GRHL2: variants seen among roughly 807,000 people sequenced by gnomAD.
The protein encoded by GRHL2 is grainyhead-like protein 2 homolog.
Under a neutral mutation model 83.8 loss-of-function variants are expected in GRHL2, and 21 were observed. That is an observed-to-expected ratio of 0.25 (90% CI 0.18 to 0.36). The LOEUF is 0.36. Among genes scored for constraint, GRHL2 ranks in the 10% least tolerant of loss-of-function variants. The pLI is 1.00. For synonymous variants in GRHL2, 280 were observed against 278.9 expected, an observed-to-expected ratio of 1.00 and a Z score of -0.04; for missense variants, 623 against 781.8, an observed-to-expected ratio of 0.80 and a Z score of 2.42.
chr8:101,492,594 C>CGCGAGCGG lies in GRHL2; in HGVS notation c.-168_-161dup, dbSNP rs1809985734. 4.2e-6 allele frequency: 3 copies of CGCGAGCGG among 710,154 alleles called. No individual in the cohort carries two copies. The highest frequency in any genetic ancestry group is 3.1e-4 in the Middle Eastern group (1 of 3,270). 44.0% of individuals were successfully genotyped at this position (710,154 alleles called of 1,614,324 possible). A position where few individuals can be genotyped will look rare whatever the true frequency, so the allele number is the denominator to read the frequency against. On this transcript the variant is annotated 5_prime_UTR_variant, in exon 1 of 16. Transcript: ENST00000646743. The stretch of plus-strand genomic sequence containing the variant: ...TCCCACCTTTCCGGCTAGGTGAGGG[C>CGCGAGCGG]GCGAGCGGGCGAGCGAGCGAGAGTG...
chr8:101,679,882 T>A, the GRHL2 span, among the ~76,000 whole-genome samples: 1 of 126,228 alleles, frequency 7.9e-6, no homozygotes, highest in Admixed American at 8.2e-5. Context: ...TGCTGAGAGA[T>A]TTTGTCACCA....
intron 13 of GRHL2, among the ~76,000 whole-genome samples, chr8:101,644,633 C>T (rs1005860254): frequency 1.3e-5 from 2 of 152,214 alleles, no homozygotes; most frequent in Non-Finnish European, 2.9e-5. Flanking sequence ...TCACCACTTA[C>T]TCATTTTCTC....
intron 4 of GRHL2, among the ~76,000 whole-genome samples, chr8:101,568,804 C>T (rs1380368172): frequency 1.3e-5 from 2 of 152,014 alleles, no homozygotes; most frequent in East Asian, 1.9e-4. Context: ...ATTTATTCAG[C>T]CAACAATTAT....
At chr8:101,578,183 A>G (rs1442410406) in intron 7 of GRHL2, among the ~76,000 whole-genome samples, 1 of 152,202 alleles carries the variant, frequency 6.6e-6, no homozygotes, top group Non-Finnish European at 1.5e-5. Context: ...AAGGTTGGAA[A>G]GGCTGAAGGC....
chr8:101,666,371 A>G (rs2129776361), intron 15 of GRHL2, among the ~76,000 whole-genome samples: 1 of 152,212 alleles, frequency 6.6e-6, no homozygotes, highest in Middle Eastern at 3.4e-3. Context: ...GTTGAATGTT[A>G]GTTCTGAGAA....
intron 3 of GRHL2, among the ~76,000 whole-genome samples, chr8:101,555,353 G>A (rs149766051): frequency 1.3e-5 from 2 of 152,070 alleles, no homozygotes; most frequent in African/African-American, 4.8e-5. Context: ...GGGAAATCCT[G>A]GGTTTTGACT....
chr8:101,673,078 G>A (rs370816992), downstream of GRHL2, among the ~76,000 whole-genome samples: 14,058 of 149,090 alleles, frequency 0.094, 691 homozygotes, highest in Middle Eastern at 0.13. Flanking sequence ...AGGAACAACC[G>A]GTACCAGCCG....
At chr8:101,564,670 G>A (rs1023402637) in intron 4 of GRHL2, among the ~76,000 whole-genome samples, 2 of 151,976 alleles carry the variant, frequency 1.3e-5, no homozygotes, top group Admixed American at 6.6e-5. Context: ...AAATTAGCTA[G>A]GTGTGGTGGC....
chr8:101,647,008 G>A (rs1362923520), intron 13 of GRHL2, among the ~76,000 whole-genome samples: 1 of 152,226 alleles, frequency 6.6e-6, no homozygotes, highest in African/African-American at 2.4e-5. Flanking sequence ...CCTGAAGCAA[G>A]AAGAGCAGCC....
chr8:101,624,058 T>C (rs1419364996), intron 9 of GRHL2, among the ~76,000 whole-genome samples: 1 of 141,878 alleles, frequency 7.0e-6, no homozygotes, highest in Non-Finnish European at 1.5e-5. Flanking sequence ...CAGTACACAG[T>C]AGAACAGTTC....
chr8:101,552,194 G>C (rs1386471655), intron 2 of GRHL2, among the ~76,000 whole-genome samples: 1 of 152,110 alleles, frequency 6.6e-6, no homozygotes, highest in Non-Finnish European at 1.5e-5. Flanking sequence ...ACAAAGGGGG[G>C]CCCAGGTATA....
At chr8:101,638,745 C>T (rs949731844) in intron 12 of GRHL2, among the ~76,000 whole-genome samples, 2 of 152,216 alleles carry the variant, frequency 1.3e-5, no homozygotes, top group African/African-American at 4.8e-5. Context: ...TATCTTGGCA[C>T]ATAGATAATA....
At chr8:101,573,877 G>C (rs1033815552) in intron 6 of GRHL2, 53 bp downstream of exon 6, 2 of 1,583,254 alleles carry the variant, frequency 1.3e-6, no homozygotes. Context: ...GAACGGAATG[G>C]CTACCTCACA....
At chr8:101,660,792 C>T (rs1813904348) in intron 14 of GRHL2, among the ~76,000 whole-genome samples, 1 of 152,226 alleles carries the variant, frequency 6.6e-6, no homozygotes, top group Non-Finnish European at 1.5e-5. Context: ...CAGCTCCGCT[C>T]CTCCCTCTGT....
At chr8:101,532,798 A>G (rs1310668371) in intron 1 of GRHL2, among the ~76,000 whole-genome samples, 1 of 151,782 alleles carries the variant, frequency 6.6e-6, no homozygotes, top group African/African-American at 2.4e-5. Flanking sequence ...TGCTCTCAAG[A>G]TAAAGGCTAT....
chr8:101,603,878 G>A (rs1812569730), intron 8 of GRHL2, among the ~76,000 whole-genome samples: 1 of 152,036 alleles, frequency 6.6e-6, no homozygotes, highest in South Asian at 2.1e-4. Flanking sequence ...ATGGCGGGCA[G>A]GGCCCAGTGT....
chr8:101,612,282 G>A (rs1180144527), intron 8 of GRHL2, among the ~76,000 whole-genome samples: 2 of 151,032 alleles, frequency 1.3e-5, no homozygotes, highest in East Asian at 3.9e-4. Flanking sequence ...GAGCCACCAT[G>A]CCTGGCCTTC....
At chr8:101,603,393 A>G (rs1812559722) in intron 8 of GRHL2, among the ~76,000 whole-genome samples, 1 of 152,256 alleles carries the variant, frequency 6.6e-6, no homozygotes, top group Non-Finnish European at 1.5e-5. Context: ...CAGATCTGTA[A>G]TCAAGACCTG....
In GRHL2 at chr8:101,669,548, C is replaced by T. The variant is rs1326695376; in HGVS notation, c.*2845C>T. The T allele has an allele frequency of 6.6e-6, 1 of 150,420 alleles. No homozygotes were observed. Among genetic ancestry groups the T allele is most frequent in the Admixed American group, 6.6e-5 (1 of 15,104 alleles). 9.3% of individuals were successfully genotyped at this position (150,420 alleles called of 1,614,324 possible). ...GCTATGAACGGCCCTTTCTTAAAGA[C>T]AAGCAAGGGAGATTGATATATGTAC... is the stretch of plus-strand genomic sequence containing the variant. On this transcript the variant is annotated 3_prime_UTR_variant, in exon 16 of 16. Transcript: ENST00000646743.
Sources: allele counts gnomAD v4.1 joint callset (sites outside exome capture counted in the v4.1 genomes callset), GRCh38; gene constraint gnomAD v4.1.1; transcripts MANE v1.5; gene names NCBI Gene and HGNC (gene_info 2026-07-23, HGNC 2026-07-21).